Variants in NCK1 observed in about 807,000 individuals in gnomAD.
The protein encoded by NCK1 is SH2/SH3 adapter protein NCK1.
Under a neutral mutation model 36.6 loss-of-function variants are expected in NCK1, and 19 were observed. The ratio of observed to expected loss-of-function variants is 0.52; its 90% confidence interval spans 0.36 to 0.76. The LOEUF (loss-of-function observed/expected upper bound fraction) is 0.76. NCK1 is among the 30% of genes least tolerant of loss of function. NCK1 has a pLI of 0.00. For missense variants in NCK1, 358 were observed against 445.6 expected (o/e 0.80, Z 1.77); for synonymous variants, 165 against 156.0 (o/e 1.06, Z -0.43).
intron 1 of NCK1, among the ~76,000 whole-genome samples, chr3:136,873,229 A>G (rs1436582273): frequency 6.6e-6 from 1 of 152,184 alleles, no homozygotes; most frequent in Non-Finnish European, 1.5e-5. Context: ...GACCATGGAA[A>G]TCCACTTCTT....
chr3:136,946,212 A>C lies in NCK1; in HGVS notation c.856A>C (p.Lys286Gln). The C allele has an allele frequency of 6.2e-7, 1 of 1,613,568 alleles. No homozygotes were observed. ...KFAGNPWYYG[K>Q]VTRHQAEMAL... Reference sequence around the variant, plus strand: ...TGCTGGCAATCCTTGGTATTATGGCAAAGTCACCAGGCATCAAGCAGAAAT... The same window carrying C: ...TGCTGGCAATCCTTGGTATTATGGCCAAGTCACCAGGCATCAAGCAGAAAT... The change falls in exon 3 of 4, where the codon AAA (lysine) becomes CAA (glutamine). Residue 286 changes from lysine to glutamine, a missense_variant. Physicochemically the swap from Lys to Gln is moderately conservative, Grantham distance 53. This residue lies in a region of NCK1 where 207 missense variants were observed against 253.4 expected (regional missense o/e 0.82). Transcript: ENST00000481752.
At chr3:136,940,535 T>C (rs1173546172) in intron 2 of NCK1, among the ~76,000 whole-genome samples, 1 of 152,154 alleles carries the variant, frequency 6.6e-6, no homozygotes, top group Non-Finnish European at 1.5e-5. Context: ...TCTTTAAGTC[T>C]GTGTTGTGTG....
At chr3:136,911,349 A>G (rs1377748154) in intron 1 of NCK1, among the ~76,000 whole-genome samples, 1 of 152,162 alleles carries the variant, frequency 6.6e-6, no homozygotes, top group Non-Finnish European at 1.5e-5. Flanking sequence ...TAATGGCTGT[A>G]CTAATTTAAT....
chr3:136,882,524 G>A (rs1321800600), intron 1 of NCK1, among the ~76,000 whole-genome samples: 2 of 151,232 alleles, frequency 1.3e-5, no homozygotes, highest in Non-Finnish European at 2.9e-5. Context: ...TACAATGAAA[G>A]TTTACATTAC....
chr3:136,891,167 CTT>C (rs1412172314), intron 1 of NCK1, among the ~76,000 whole-genome samples: 3 of 152,194 alleles, frequency 2.0e-5, no homozygotes, highest in African/African-American at 4.8e-5. Context: ...GAGTTTTGCT[CTT>C]GTTGCCCAGG....
chr3:136,936,504 C>A (rs1940535366), intron 2 of NCK1, among the ~76,000 whole-genome samples: 1 of 152,112 alleles, frequency 6.6e-6, no homozygotes, highest in Admixed American at 6.5e-5. Context: ...TAAGTGTATA[C>A]CTAAAAGTGG....
chr3:136,863,868 G>A (rs1399143412), intron 1 of NCK1, among the ~76,000 whole-genome samples: 1 of 152,060 alleles, frequency 6.6e-6, no homozygotes, highest in Non-Finnish European at 1.5e-5. Flanking sequence ...TTGGGAGGCT[G>A]AGGCGGGCGG....
At chr3:136,881,231 T>G (rs1340510939) in intron 1 of NCK1, among the ~76,000 whole-genome samples, 2 of 152,138 alleles carry the variant, frequency 1.3e-5, no homozygotes, top group Admixed American at 6.6e-5. Flanking sequence ...TTTATTTAAT[T>G]TTTTTTGAGA....
chr3:136,904,308 G>A (rs1239405862), intron 1 of NCK1, among the ~76,000 whole-genome samples: 2 of 151,936 alleles, frequency 1.3e-5, no homozygotes, highest in South Asian at 2.1e-4. Context: ...ATGTATCACC[G>A]TGCCCAGCTA....
intron 1 of NCK1, among the ~76,000 whole-genome samples, chr3:136,864,741 G>A (rs1414029354): frequency 6.8e-6 from 1 of 147,974 alleles, no homozygotes; most frequent in Non-Finnish European, 1.5e-5. Flanking sequence ...ATACTTCATG[G>A]TTCTGGGTTT....
At chr3:136,928,303 G>A in intron 2 of NCK1, 76 bp downstream of exon 2, 1 of 1,353,320 alleles carries the variant, frequency 7.4e-7, no homozygotes, top group South Asian at 1.5e-5. Flanking sequence ...CATAATTCTG[G>A]CAGCAGTGTG....
In NCK1 at chr3:136,910,945, G is replaced by A. The variant is rs567673984; in HGVS notation, c.-18-17039G>A. On this transcript the variant is annotated intron_variant, in intron 1 of 3. Coordinates refer to ENST00000481752, the MANE Select transcript of NCK1 (RefSeq NM_001291999.2). ...CCATCCTGGCTTCTCCCCAGTCTCT[G>A]GTAAGCATCATTCTACTCTCTACTT... 3.0e-4 allele frequency among the ~76,000 whole-genome samples: 45 copies of A among 152,186 alleles called. No individual in the cohort carries two copies. The South Asian group carries it at 4.2e-3, about 14-fold the overall frequency.
chr3:136,933,232 G>A (rs1016466388), intron 2 of NCK1, among the ~76,000 whole-genome samples: 2 of 152,170 alleles, frequency 1.3e-5, no homozygotes, highest in African/African-American at 2.4e-5. Context: ...TCCCTTATGT[G>A]TGTGTTGGCC....
chr3:136,929,391 G>A (rs1940335105), intron 2 of NCK1, among the ~76,000 whole-genome samples: 1 of 152,164 alleles, frequency 6.6e-6, no homozygotes, highest in African/African-American at 2.4e-5. Context: ...ATCAGTTTCT[G>A]AGATAAAAAT....
rs752819563 is a variant in NCK1 at position 136,945,560 on chromosome 3, A to C, written c.227-23A>C. On this transcript the variant is annotated intron_variant, in intron 2 of 3. Transcript: ENST00000481752. ...AATCATTTTTTTATATTCTCCTCTCATGGCCCTTTTTAATTTCAACAGGCA... is the reference window on the plus strand; with the variant it reads ...AATCATTTTTTTATATTCTCCTCTCCTGGCCCTTTTTAATTTCAACAGGCA... 4.0e-6 allele frequency: 6 copies of C among 1,504,198 alleles called. No homozygotes were observed. In the African/African-American group the frequency reaches 8.4e-5, roughly 21 times the overall value. The allele number at this position is 1,504,198 out of a possible 1,614,324, so 93.2% of individuals were successfully genotyped here. A position where few individuals can be genotyped will look rare whatever the true frequency, so the allele number is the denominator to read the frequency against.
In NCK1 at chr3:136,931,186, T is replaced by G. The variant is rs1023675925; in HGVS notation, c.226+2959T>G. Among the ~76,000 whole-genome samples, 6 of 152,302 alleles carry G rather than the reference T, an allele frequency of 3.9e-5. No homozygotes were observed. The South Asian group carries it at 8.3e-4, about 21-fold the overall frequency. On this transcript the variant is annotated intron_variant, in intron 2 of 3. Transcript: ENST00000481752. ...CAACCAAGAGGAAAATAGTGAATTC[T>G]TGACTGTTATTGAGTTTGGGTCATG...
intron 1 of NCK1, among the ~76,000 whole-genome samples, chr3:136,891,354 T>G (rs1576956657): frequency 6.6e-6 from 1 of 152,280 alleles, no homozygotes; most frequent in Non-Finnish European, 1.5e-5. Flanking sequence ...AGGCTGGTCT[T>G]GAACTCCTGA....
chr3:136,945,894 G>A lies in NCK1; in HGVS notation c.538G>A (p.Ala180Thr). 6.2e-7 allele frequency: 1 copy of A among 1,614,094 alleles called. No homozygotes were observed. Among genetic ancestry groups the A allele is most frequent in the Non-Finnish European group, 8.5e-7 (1 of 1,180,010 alleles). Residue 180 changes from alanine (A) to threonine (T), a missense_variant, in exon 3 of 4, where the codon GCA becomes ACA. Around this residue, in one of 3 missense-constraint regions of NCK1, gnomAD observed 207 missense variants for 253.4 expected, o/e 0.82. Coordinates refer to ENST00000481752, the MANE Select transcript of NCK1 (RefSeq NM_001291999.2). ...TGTGGGTTCTCTGTCAGAGAAATTA[G>A]CAGCAGTCGTCAATAACCTAAATAC... ...DHVGSLSEKL[A>T]AVVNNLNTGQ...
intron 2 of NCK1, among the ~76,000 whole-genome samples, chr3:136,931,688 A>T (rs1474031176): frequency 6.6e-6 from 1 of 152,230 alleles, no homozygotes; most frequent in East Asian, 1.9e-4. Context: ...ATAGGGTGAA[A>T]AACTAATACT....
Sources: gnomAD v4.1 joint callset for allele counts (sites outside exome capture counted in the v4.1 genomes callset) on GRCh38, gnomAD v4.1.1 for gene constraint, gnomAD v4.1.1 regional missense constraint, MANE v1.5 for transcripts, NCBI Gene and HGNC (gene_info 2026-07-23, HGNC 2026-07-21) for gene names.